Variants in PHF24 observed in about 807,000 individuals in gnomAD.
PHF24 encodes PHD finger protein 24.
In PHF24, 25 loss-of-function variants were observed where a neutral mutation model predicts 42.6. That is an observed-to-expected ratio of 0.59 (90% confidence interval 0.43 to 0.82). The LOEUF is 0.82. Ranked by LOEUF, PHF24 falls within the 40% of genes least tolerant of loss-of-function variation. The pLI is 0.00. For missense variants in PHF24, 470 were observed against 538.1 expected (o/e 0.87, Z 1.25); for synonymous variants, 185 against 204.8 (o/e 0.90, Z 0.83).
chr9:34,766,071 C>CT, the PHF24 span, among the ~76,000 whole-genome samples: 1 of 152,334 alleles, frequency 6.6e-6, no homozygotes, highest in African/African-American at 2.4e-5. Flanking sequence ...GAGAGATCCG[C>CT]TGTTAGTCTG....
At chr9:34,889,042 TGAG>T in the PHF24 span, 2 of 398,320 alleles carry the variant, frequency 5.0e-6, no homozygotes, top group African/African-American at 2.1e-5. Context: ...ACATTGAAAA[TGAG>T]GAGGCACAAA....
At chr9:34,970,243 C>A (rs1826926870) in intron 1 of PHF24, among the ~76,000 whole-genome samples, 1 of 152,158 alleles carries the variant, frequency 6.6e-6, no homozygotes. Flanking sequence ...CCCTCACTGT[C>A]CAATGCTGTG....
the PHF24 span, chr9:34,724,883 G>A: frequency 1.6e-5 from 25 of 1,549,072 alleles, no homozygotes; most frequent in South Asian, 2.4e-5. Flanking sequence ...AGGCAGCCCC[G>A]ACAGGAAGGC....
At chr9:34,938,924 G>A in the PHF24 span, among the ~76,000 whole-genome samples, 170 of 116,516 alleles carry the variant, frequency 1.5e-3, no homozygotes, top group Middle Eastern at 9.1e-3. Flanking sequence ...GCGACAGAGC[G>A]AGACTCCATC....
chr9:34,836,170 C>A, the PHF24 span: 1 of 386,988 alleles, frequency 2.6e-6, no homozygotes, highest in Non-Finnish European at 5.2e-6. Context: ...GCCTACACCC[C>A]CTTCATGTCT....
At chr9:34,763,697 C>G in the PHF24 span, among the ~76,000 whole-genome samples, 5 of 152,010 alleles carry the variant, frequency 3.3e-5, no homozygotes, top group African/African-American at 1.2e-4. Flanking sequence ...ATTTCCTTCT[C>G]CTGCCTAATT....
chr9:34,812,955 A>G, the PHF24 span, among the ~76,000 whole-genome samples: 58 of 152,162 alleles, frequency 3.8e-4, no homozygotes, highest in Non-Finnish European at 7.6e-4. Context: ...CCCCCACCTG[A>G]CATTTTCCTC....
chr9:34,915,607 A>G, the PHF24 span, among the ~76,000 whole-genome samples: 1 of 152,158 alleles, frequency 6.6e-6, no homozygotes, highest in East Asian at 1.9e-4. Flanking sequence ...TTCCATTGCA[A>G]TCAGAGAACA....
At chr9:34,742,090 A>G in the PHF24 span, among the ~76,000 whole-genome samples, 3 of 152,230 alleles carry the variant, frequency 2.0e-5, no homozygotes, top group Non-Finnish European at 2.9e-5. Context: ...CAAAATCACA[A>G]TTGAAATGCC....
chr9:34,894,634 A>G, the PHF24 span: 4 of 397,304 alleles, frequency 1.0e-5, no homozygotes, highest in Non-Finnish European at 1.8e-5. Flanking sequence ...ACATCTGTGT[A>G]TAACTTAACC....
the PHF24 span, among the ~76,000 whole-genome samples, chr9:34,736,411 A>G: frequency 6.6e-6 from 1 of 151,926 alleles, no homozygotes; most frequent in African/African-American, 2.4e-5. Flanking sequence ...GCCTCAAGAG[A>G]CCCTCCCATC....
chr9:34,847,646 G>A, the PHF24 span, among the ~76,000 whole-genome samples: 2 of 151,624 alleles, frequency 1.3e-5, no homozygotes, highest in South Asian at 2.1e-4. Context: ...TGTTGAATAG[G>A]AGTGGTGAGA....
chr9:34,732,646 TGCTTTG>T, the PHF24 span, among the ~76,000 whole-genome samples: 2 of 152,206 alleles, frequency 1.3e-5, no homozygotes, highest in African/African-American at 2.4e-5. Context: ...CCACTTTTGC[TGCTTTG>T]GCTGTCTGTG....
the PHF24 span, among the ~76,000 whole-genome samples, chr9:34,771,011 G>C: frequency 6.6e-6 from 1 of 152,160 alleles, no homozygotes; most frequent in Non-Finnish European, 1.5e-5. Flanking sequence ...TACTCGGGAG[G>C]CTGAGGCAGG....
At chr9:34,778,937 A>T in the PHF24 span, among the ~76,000 whole-genome samples, 6 of 152,226 alleles carry the variant, frequency 3.9e-5, no homozygotes, top group Non-Finnish European at 8.8e-5. Flanking sequence ...CAATGGAATG[A>T]CATTAGAGAT....
intron 1 of PHF24, among the ~76,000 whole-genome samples, chr9:34,964,551 C>T (rs370360670): frequency 1.3e-5 from 2 of 152,126 alleles, no homozygotes; most frequent in African/African-American, 4.8e-5. Context: ...AGCTTCCTTC[C>T]CCTTCCTTAT....
At chr9:34,819,671 T>C in the PHF24 span, among the ~76,000 whole-genome samples, 1 of 152,220 alleles carries the variant, frequency 6.6e-6, no homozygotes, top group South Asian at 2.1e-4. Flanking sequence ...ACATACTCTG[T>C]ATAATGGAAA....
the PHF24 span, among the ~76,000 whole-genome samples, chr9:34,752,147 G>GCGAAA: frequency 6.6e-6 from 1 of 151,638 alleles, no homozygotes; most frequent in Non-Finnish European, 1.5e-5. Context: ...AACCATAAAA[G>GCGAAA]CGAAACAAAA....
the PHF24 span, chr9:34,836,062 G>T: frequency 1.7e-6 from 1 of 588,088 alleles, no homozygotes; most frequent in Non-Finnish European, 3.3e-6. Flanking sequence ...GCTGGAAAGA[G>T]AAACATGGCA....
Sources: gnomAD v4.1 joint callset for allele counts (sites outside exome capture counted in the v4.1 genomes callset) on GRCh38, gnomAD v4.1.1 for gene constraint, MANE v1.5 for transcripts, NCBI Gene and HGNC (gene_info 2026-07-23, HGNC 2026-07-21) for gene names.